Variants in SIGLECL1 observed in about 807,000 individuals in gnomAD.
SIGLECL1 encodes the protein SIGLEC family like 1, also known as SIGLEC family-like protein 1.
Under a neutral mutation model 19.1 loss-of-function variants are expected in SIGLECL1, and 16 were observed. That is an observed-to-expected ratio of 0.84 (90% CI 0.57 to 1.27). The LOEUF (loss-of-function observed/expected upper bound fraction) is 1.27. Ranked by LOEUF, SIGLECL1 falls within the 50% of genes most tolerant of loss-of-function variation. The pLI is 0.00. For synonymous variants in SIGLECL1, 89 were observed against 90.4 expected (o/e 0.98, Z 0.09); for missense variants, 210 against 239.4 (o/e 0.88, Z 0.81).
At chr19:51,256,451 T>C (rs1160825868) in intron 1 of SIGLECL1, among the ~76,000 whole-genome samples, 3 of 152,214 alleles carry the variant, frequency 2.0e-5, no homozygotes, top group South Asian at 2.1e-4. Flanking sequence ...CTCACTTATA[T>C]GTAGAATCTA....
At chr19:51,247,068 T>G (rs1399949412), upstream of SIGLECL1, among the ~76,000 whole-genome samples, 1 of 152,232 alleles carries the variant, frequency 6.6e-6, no homozygotes, top group African/African-American at 2.4e-5. Context: ...ATCTTCTCCC[T>G]GTGCCCAGTT....
intron 4 of SIGLECL1, 120 bp downstream of exon 4, chr19:51,266,002 G>C: frequency 2.1e-6 from 2 of 932,688 alleles, no homozygotes; most frequent in Non-Finnish European, 3.3e-6. Flanking sequence ...GGTCTAAAGA[G>C]GGAAAGATGT....
Position 51,265,435 on chromosome 19 carries a change from T to G in SIGLECL1, c.90T>G (p.His30Gln), listed in dbSNP as rs1403215367. 3 of 1,614,086 alleles carry G rather than the reference T, an allele frequency of 1.9e-6. No individual in the cohort carries two copies. In the East Asian group the frequency reaches 6.7e-5, roughly 36 times the overall value. The change falls in exon 3 of 6, where the codon CAT (histidine) becomes CAG (glutamine). Residue 30 changes from histidine (H) to glutamine (Q), a missense_variant. Physicochemically the swap from His to Gln is conservative, Grantham distance 24. Transcript: ENST00000601727. ...EKTLQCSCSF[H>Q]GIPTPSVQWW... ...CACTGCAGTGCAGCTGTTCCTTCCATGGGATTCCCACACCCTCTGTGCAGT... is the reference window on the plus strand; with the variant it reads ...CACTGCAGTGCAGCTGTTCCTTCCAGGGGATTCCCACACCCTCTGTGCAGT...
intron 1 of SIGLECL1, among the ~76,000 whole-genome samples, chr19:51,252,036 G>A (rs1370024945): frequency 6.6e-6 from 1 of 152,170 alleles, no homozygotes; most frequent in East Asian, 1.9e-4. Context: ...AGTGGCTCAC[G>A]TCTGTAATCC....
At chr19:51,268,207 G>A (rs1057011084) in intron 5 of SIGLECL1, among the ~76,000 whole-genome samples, 2 of 152,142 alleles carry the variant, frequency 1.3e-5, no homozygotes, top group African/African-American at 4.8e-5. Flanking sequence ...CCTAGGCCTT[G>A]TCCTCAGAGA....
chr19:51,268,669 C>A lies in SIGLECL1; in HGVS notation c.*72C>A. ...TTACAAAGATCTGCAAAATTTATAG[C>A]GCTCACAGAAACCCTGGAGGCTGTA... is the stretch of plus-strand genomic sequence containing the variant. On this transcript the variant is annotated 3_prime_UTR_variant, in exon 6 of 6. Coordinates refer to ENST00000601727, the MANE Select transcript of SIGLECL1 (RefSeq NM_001385465.1). 1.3e-6 allele frequency: 2 copies of A among 1,503,048 alleles called. No homozygotes were observed. The highest frequency in any genetic ancestry group is 1.4e-5 in the African/African-American group (1 of 71,826). The allele number at this position is 1,503,048 out of a possible 1,614,324, so 93.1% of individuals were successfully genotyped here.
chr19:51,267,535 T>A lies in SIGLECL1; in HGVS notation c.567+6T>A. The A allele has an allele frequency of 6.2e-7, 1 of 1,613,774 alleles. No homozygotes were observed. Among genetic ancestry groups the A allele is most frequent in the Admixed American group, 1.7e-5 (1 of 59,946 alleles). ...TTTCTGAGAGCCGGATATTGGTATG[T>A]ACCTATTGTGTCTGGAATCTAGTCT... On this transcript the variant is annotated splice_donor_region_variant and intron_variant, in intron 5 of 5. Coordinates refer to ENST00000601727, the MANE Select transcript of SIGLECL1 (RefSeq NM_001385465.1).
upstream of SIGLECL1, among the ~76,000 whole-genome samples, chr19:51,246,741 A>G (rs1227563538): frequency 6.6e-6 from 1 of 152,108 alleles, no homozygotes; most frequent in African/African-American, 2.4e-5. Context: ...AACAAGTTTT[A>G]TTGGGGGGTC....
upstream of SIGLECL1, among the ~76,000 whole-genome samples, chr19:51,249,984 G>A (rs1348123126): frequency 6.6e-6 from 1 of 152,074 alleles, no homozygotes; most frequent in Non-Finnish European, 1.5e-5. Flanking sequence ...CGTTGCCATG[G>A]CATTTGTGAA....
At chr19:51,263,574 A>G (rs763125451) in intron 1 of SIGLECL1, among the ~76,000 whole-genome samples, 3 of 152,184 alleles carry the variant, frequency 2.0e-5, no homozygotes, top group Non-Finnish European at 4.4e-5. Context: ...CCTGGCCAAC[A>G]TGGTGAAACC....
At chr19:51,261,263 GGT>G (rs890550999) in intron 1 of SIGLECL1, among the ~76,000 whole-genome samples, 1 of 151,874 alleles carries the variant, frequency 6.6e-6, no homozygotes, top group Admixed American at 6.6e-5. Flanking sequence ...GTATTTGCTT[GGT>G]GTATGTTTTC....
chr19:51,246,846 TAA>T, upstream of SIGLECL1, among the ~76,000 whole-genome samples: 2 of 152,194 alleles, frequency 1.3e-5, no homozygotes, highest in Middle Eastern at 6.8e-3. Context: ...AAGATAAGGG[TAA>T]TCACCCCAGC....
intron 4 of SIGLECL1, 93 bp downstream of exon 4, chr19:51,265,975 C>T (rs1983641719): frequency 8.0e-7 from 1 of 1,254,544 alleles, no homozygotes; most frequent in Non-Finnish European, 1.2e-6. Context: ...CAGGACCCCT[C>T]CCCTCAAGGA....
In SIGLECL1 at chr19:51,268,891, G is replaced by A; in HGVS notation, c.*294G>A. The A allele has an allele frequency of 2.9e-6, 1 of 346,208 alleles. No homozygotes were observed. The highest frequency in any genetic ancestry group is 5.2e-6 in the Non-Finnish European group (1 of 191,210). The allele number at this position is 346,208 out of a possible 1,614,324, so 21.4% of individuals were successfully genotyped here. A position where few individuals can be genotyped will look rare whatever the true frequency, so the allele number is the denominator to read the frequency against. ...CCACCCTGGGAAGGTGTCAAAAGAA[G>A]GAAAAATACATGTGACAATATGAAT... On this transcript the variant is annotated 3_prime_UTR_variant, in exon 6 of 6. Transcript: ENST00000601727.
At chr19:51,246,392 T>C (rs1982258026), upstream of SIGLECL1, 1 of 152,200 alleles carries the variant, frequency 6.6e-6, no homozygotes, top group South Asian at 2.1e-4. Flanking sequence ...TGCGCAAGGA[T>C]ACAAGTGAGT....
At position 51,265,787 on chromosome 19, in the gene SIGLECL1, T is replaced by C. The variant is rs1294265835; in HGVS notation, c.315T>C (p.Ser105=). The C allele has an allele frequency of 1.2e-6, 2 of 1,614,220 alleles. No homozygotes were observed. Among genetic ancestry groups the C allele is most frequent in the Non-Finnish European group, 1.7e-6 (2 of 1,180,026 alleles). The change falls in exon 4 of 6, where the codon TCT becomes TCC. Residue 105 remains serine, a synonymous_variant. Transcript: ENST00000601727. Reference sequence around the variant, plus strand: ...GCTCTCTGCTTCCAGGAAAGAGTTCTTTGGCTGCCCAGGCCTTCGTGAAAG... The same window carrying C: ...GCTCTCTGCTTCCAGGAAAGAGTTCCTTGGCTGCCCAGGCCTTCGTGAAAG... The part of the protein sequence containing the change: ...LSILLMSRKS[S]LAAQAFVKGL...
intron 1 of SIGLECL1, among the ~76,000 whole-genome samples, chr19:51,253,073 G>A (rs541047296): frequency 3.4e-4 from 52 of 151,826 alleles, no homozygotes; most frequent in African/African-American, 1.2e-3. Flanking sequence ...GCTGCAGTGA[G>A]CCATGTTCAT....
chr19:51,261,811 T>C lies in SIGLECL1; in HGVS notation c.-190-2072T>C, dbSNP rs80295434. 1.7e-3 allele frequency among the ~76,000 whole-genome samples: 266 copies of C among 152,340 alleles called. 3 individuals are homozygous for C. Among genetic ancestry groups the C allele is most frequent in the African/African-American group, 6.1e-3 (255 of 41,580 alleles). ...CCCAACCGTTCTATTCTCTTTTGTA[T>C]CCCTTCTGTTTGTTTCTCTGTCTTT... On this transcript the variant is annotated intron_variant, in intron 1 of 5. Transcript: ENST00000601727.
chr19:51,265,013 G>A (rs1005100127), intron 2 of SIGLECL1, among the ~76,000 whole-genome samples: 1 of 152,174 alleles, frequency 6.6e-6, no homozygotes, highest in East Asian at 1.9e-4. Flanking sequence ...AGGAAGTGAT[G>A]GAGGGAGAAT....
Sources: allele counts gnomAD v4.1 joint callset (sites outside exome capture counted in the v4.1 genomes callset), GRCh38; gene constraint gnomAD v4.1.1; transcripts MANE v1.5; gene names NCBI Gene and HGNC (gene_info 2026-07-23, HGNC 2026-07-21).